Variants in CSMD1 observed in about 807,000 individuals in gnomAD.
CSMD1 encodes the protein CUB and Sushi multiple domains 1.
In CSMD1, 213 loss-of-function variants were observed where a neutral mutation model predicts 417.5. That is an observed-to-expected ratio of 0.51 (90% CI 0.46 to 0.57). CSMD1 has a LOEUF of 0.57. Among genes scored for constraint, CSMD1 ranks in the 20% least tolerant of loss-of-function variants. The probability of loss-of-function intolerance (pLI) is 0.00; values close to 1 mark genes in which losing one functional copy is unlikely to be tolerated. For missense variants in CSMD1, 6,923 were observed against 4,529.7 expected (o/e 1.53, Z -15.17); for synonymous variants, 2,862 against 1,736.8 (o/e 1.65, Z -16.11).
chr8:3,218,854 A>G (rs993104183), intron 29 of CSMD1, among the ~76,000 whole-genome samples: 1 of 152,138 alleles, frequency 6.6e-6, no homozygotes, highest in Non-Finnish European at 1.5e-5. Flanking sequence ...CCTGGGCAAC[A>G]AGAGCAAAAC....
intron 52 of CSMD1, among the ~76,000 whole-genome samples, chr8:3,015,027 C>G (rs923768008): frequency 6.6e-6 from 1 of 151,838 alleles, no homozygotes; most frequent in African/African-American, 2.4e-5. Context: ...ATCTCATGTG[C>G]CCCACAAATA....
intron 10 of CSMD1, among the ~76,000 whole-genome samples, chr8:3,549,420 A>C (rs762450089): frequency 1.3e-5 from 2 of 152,214 alleles, no homozygotes; most frequent in South Asian, 2.1e-4. Flanking sequence ...CTATGCTTTG[A>C]ATGTTTATGG....
intron 23 of CSMD1, among the ~76,000 whole-genome samples, chr8:3,320,717 G>T (rs1409320114): frequency 2.0e-5 from 3 of 152,092 alleles, no homozygotes; most frequent in Non-Finnish European, 4.4e-5. Flanking sequence ...CTGCTGAGTG[G>T]GTGACTGCCA....
chr8:3,988,791 A>C (rs1167627139), intron 5 of CSMD1, among the ~76,000 whole-genome samples: 1 of 152,222 alleles, frequency 6.6e-6, no homozygotes, highest in African/African-American at 2.4e-5. Flanking sequence ...GATTATGGTC[A>C]ATTATATTTC....
At chr8:3,347,496 T>G (rs1034266459) in intron 22 of CSMD1, among the ~76,000 whole-genome samples, 2 of 152,210 alleles carry the variant, frequency 1.3e-5, no homozygotes, top group African/African-American at 4.8e-5. Context: ...TGGATTTACC[T>G]CCATTATCAC....
At chr8:4,631,394 GTTTGT>G (rs1317626914) in intron 2 of CSMD1, among the ~76,000 whole-genome samples, 2 of 143,344 alleles carry the variant, frequency 1.4e-5, no homozygotes, top group African/African-American at 5.6e-5. Context: ...TGATACCTTG[GTTTGT>G]TTTTTTTTTT....
In CSMD1 at chr8:4,583,940, C is replaced by G. The variant is rs966002717; in HGVS notation, c.302+53402G>C. 4.8e-4 allele frequency among the ~76,000 whole-genome samples: 73 copies of G among 152,120 alleles called. 1 individual carries two copies. The highest frequency in any genetic ancestry group is 1.2e-4 in the Non-Finnish European group (8 of 68,006). On this transcript the variant is annotated intron_variant, in intron 2 of 69. Coordinates refer to ENST00000635120, the MANE Select transcript of CSMD1 (RefSeq NM_033225.6). ...TGCTTTTATGAGCTGTAACACTCAC[C>G]GCCAAAGTCTGCAGCTTCACTCCTG...
intron 3 of CSMD1, among the ~76,000 whole-genome samples, chr8:4,356,346 A>C (rs905880106): frequency 6.6e-6 from 1 of 151,748 alleles, no homozygotes; most frequent in African/African-American, 2.4e-5. Flanking sequence ...ACACACACAC[A>C]CACCAGTTTC....
At chr8:4,136,544 C>A (rs1244685303) in intron 3 of CSMD1, among the ~76,000 whole-genome samples, 1 of 152,200 alleles carries the variant, frequency 6.6e-6, no homozygotes, top group African/African-American at 2.4e-5. Context: ...TGACTCTCAG[C>A]AAAAGATGCA....
chr8:3,808,359 A>G (rs1362934968), intron 5 of CSMD1, among the ~76,000 whole-genome samples: 2 of 152,168 alleles, frequency 1.3e-5, no homozygotes, highest in African/African-American at 4.8e-5. Flanking sequence ...GGGTCTTGGT[A>G]TATTCAAAGG....
intron 7 of CSMD1, among the ~76,000 whole-genome samples, chr8:3,677,265 C>G (rs1379563662): frequency 6.6e-6 from 1 of 152,148 alleles, no homozygotes; most frequent in Non-Finnish European, 1.5e-5. Flanking sequence ...TCGAAAATTT[C>G]TCTCCCAGGA....
chr8:4,034,668 G>A (rs1324415080), intron 3 of CSMD1, among the ~76,000 whole-genome samples: 1 of 152,178 alleles, frequency 6.6e-6, no homozygotes, highest in Non-Finnish European at 1.5e-5. Flanking sequence ...TGAAGAGTGA[G>A]AAAGGGAGTG....
At chr8:4,722,508 T>C (rs902318411) in intron 1 of CSMD1, among the ~76,000 whole-genome samples, 2 of 152,084 alleles carry the variant, frequency 1.3e-5, no homozygotes, top group East Asian at 3.9e-4. Context: ...CTTGGGAGGA[T>C]TGCTGATTCT....
chr8:3,934,041 C>G lies in CSMD1; in HGVS notation c.818+63862G>C, dbSNP rs28591443. On this transcript the variant is annotated intron_variant, in intron 5 of 69. Transcript: ENST00000635120. ...AATCCACAATGAGTAGGAAGCCACTCTGCTCTACACTGAGTATCAGTGACA... is the reference window on the plus strand; with the variant it reads ...AATCCACAATGAGTAGGAAGCCACTGTGCTCTACACTGAGTATCAGTGACA... Among the ~76,000 whole-genome samples, 99 of 151,900 alleles carry G rather than the reference C, an allele frequency of 6.5e-4. 1 individual carries two copies. The Middle Eastern group carries it at 0.014, about 21-fold the overall frequency.
chr8:4,337,452 T>C (rs1365975910), intron 3 of CSMD1, among the ~76,000 whole-genome samples: 2 of 152,140 alleles, frequency 1.3e-5, no homozygotes, highest in Non-Finnish European at 2.9e-5. Context: ...TAAATGTCTT[T>C]GCAAACCACA....
chr8:3,970,986 G>T (rs111668744), intron 5 of CSMD1, among the ~76,000 whole-genome samples: 5,068 of 152,208 alleles, frequency 0.033, 125 homozygotes, highest in Middle Eastern at 0.085. Flanking sequence ...CCTGACCTCA[G>T]GTGATCCCCC....
intron 5 of CSMD1, among the ~76,000 whole-genome samples, chr8:3,792,172 T>C (rs1327721189): frequency 6.6e-6 from 1 of 152,032 alleles, no homozygotes; most frequent in Non-Finnish European, 1.5e-5. Flanking sequence ...TGCACACGTG[T>C]AGTCCCAGCT....
chr8:3,506,454 C>T (rs572819688), intron 10 of CSMD1, among the ~76,000 whole-genome samples: 1 of 152,164 alleles, frequency 6.6e-6, no homozygotes, highest in Non-Finnish European at 1.5e-5. Context: ...ATTCTCACCA[C>T]TGGTCATGGC....
chr8:4,722,116 G>A (rs183797886), intron 1 of CSMD1, among the ~76,000 whole-genome samples: 4 of 152,178 alleles, frequency 2.6e-5, no homozygotes, highest in East Asian at 3.9e-4. Context: ...ATAGGTAATA[G>A]TGTTATGTTG....
Sources: gnomAD v4.1 joint callset for allele counts (sites outside exome capture counted in the v4.1 genomes callset) on GRCh38, gnomAD v4.1.1 for gene constraint, MANE v1.5 for transcripts, NCBI Gene and HGNC (gene_info 2026-07-23, HGNC 2026-07-21) for gene names.